EXD1: variants seen among roughly 807,000 people sequenced by gnomAD.
EXD1 encodes the protein piRNA biogenesis protein EXD1.
EXD1 carries 63 observed loss-of-function variants against 49.1 expected under a neutral mutation model. The observed-to-expected ratio is 1.28, with a 90% CI of 1.05 to 1.58. EXD1 has a LOEUF of 1.58. Ranked by LOEUF, EXD1 falls within the 40% of genes most tolerant of loss-of-function variation. The pLI is 0.00. For missense variants in EXD1, 748 were observed against 666.0 expected, an observed-to-expected ratio of 1.12 and a Z score of -1.36; for synonymous variants, 234 against 239.2, an observed-to-expected ratio of 0.98 and a Z score of 0.20.
intron 6 of EXD1, among the ~76,000 whole-genome samples, chr15:41,210,289 C>T (rs2046902349): frequency 6.6e-6 from 1 of 152,122 alleles, no homozygotes; most frequent in African/African-American, 2.4e-5. Flanking sequence ...TTTACCACAA[C>T]TGAAAGGAAT....
intron 6 of EXD1, among the ~76,000 whole-genome samples, chr15:41,215,386 TTATAA>T (rs1179291191): frequency 6.6e-6 from 1 of 152,088 alleles, no homozygotes; most frequent in Non-Finnish European, 1.5e-5. Flanking sequence ...ATCAAAAATC[TTATAA>T]TAAAGAAATT....
intron 10 of EXD1, 84 bp downstream of exon 10, chr15:41,191,358 A>G: frequency 7.6e-7 from 1 of 1,314,710 alleles, no homozygotes. Context: ...GGCAGCTGTC[A>G]TTTTTCTACA....
chr15:41,209,619 T>G, intron 6 of EXD1, 32 bp from the exon 7 acceptor site: 1 of 1,587,250 alleles, frequency 6.3e-7, no homozygotes, highest in Non-Finnish European at 8.6e-7. Context: ...GGAAAAACTT[T>G]CAGGGAATAA....
intron 1 of EXD1, among the ~76,000 whole-genome samples, chr15:41,229,461 G>A (rs1394521692): frequency 6.6e-5 from 10 of 151,548 alleles, no homozygotes; most frequent in Admixed American, 4.6e-4. Flanking sequence ...ACTCCAGCCC[G>A]GACTCTGTCG....
intron 9 of EXD1, among the ~76,000 whole-genome samples, chr15:41,193,091 A>T (rs2046554841): frequency 1.3e-5 from 2 of 151,690 alleles, no homozygotes; most frequent in South Asian, 4.2e-4. Flanking sequence ...GCCTCTTAAA[A>T]TTTTTTTGTA....
intron 2 of EXD1, among the ~76,000 whole-genome samples, chr15:41,225,581 TTC>T: frequency 8.4e-6 from 1 of 118,900 alleles, no homozygotes. Flanking sequence ...ACGAGACTCA[TTC>T]TCAGAAAAAA....
intron 7 of EXD1, among the ~76,000 whole-genome samples, chr15:41,197,932 G>A (rs1435213714): frequency 6.6e-6 from 1 of 151,784 alleles, no homozygotes. Flanking sequence ...GCCGAGGCAG[G>A]AGAATCGCTT....
At position 41,192,628 on chromosome 15, in the gene EXD1, TTTTTG is replaced by T. The variant is rs1295818651; in HGVS notation, c.721-1048_721-1044del. 1.9e-4 allele frequency among the ~76,000 whole-genome samples: 22 copies of T among 118,618 alleles called. No individual in the cohort carries two copies. In the East Asian group the frequency reaches 4.6e-3, roughly 25 times the overall value. The allele number at this position is 118,618 out of a possible 152,430, so 77.8% of individuals were successfully genotyped here. A position where few individuals can be genotyped will look rare whatever the true frequency, so the allele number is the denominator to read the frequency against. On this transcript the variant is annotated intron_variant, in intron 9 of 11. Transcript: ENST00000458580. ...TTTTTTTTTTTTTTTTTTTTTTTTT[TTTTTG>T]AGATAGGGTCTTGCTCTATCTCCCA...
At chr15:41,184,631 A>G in intron 11 of EXD1, 38 bp from the exon 12 acceptor site, 1 of 1,529,104 alleles carries the variant, frequency 6.5e-7, no homozygotes, top group South Asian at 1.3e-5. Context: ...ATTATAACTA[A>G]ACTTCTGAAT....
rs2047227013 is a variant in EXD1 at position 41,230,606 on chromosome 15, G to T, written c.-181C>A. ...ACTTCAGTCTAGAACTAAAAGAAGA[G>T]GGGCTGCAATGAAGGAAGAAGTCTC... On this transcript the variant is annotated 5_prime_UTR_variant, in exon 1 of 12. Coordinates refer to ENST00000458580, the MANE Select transcript of EXD1 (RefSeq NM_001286441.2). The T allele has an allele frequency of 6.4e-7, 1 of 1,563,558 alleles. No individual in the cohort carries two copies. The highest frequency in any genetic ancestry group is 1.1e-5 in the South Asian group (1 of 88,832).
intron 7 of EXD1, among the ~76,000 whole-genome samples, chr15:41,209,219 T>A (rs1285913010): frequency 6.6e-6 from 1 of 151,828 alleles, no homozygotes; most frequent in African/African-American, 2.4e-5. Context: ...AGGCCAGGAG[T>A]TTGAGATCAG....
chr15:41,204,947 G>A (rs945613551), intron 7 of EXD1, among the ~76,000 whole-genome samples: 11 of 152,092 alleles, frequency 7.2e-5, no homozygotes, highest in Non-Finnish European at 1.2e-4. Flanking sequence ...GAGCCAAGAC[G>A]AATCTAGACA....
intron 7 of EXD1, among the ~76,000 whole-genome samples, chr15:41,201,485 ATTTTTTTTT>A (rs10618622): frequency 1.3e-4 from 12 of 89,188 alleles, no homozygotes; most frequent in African/African-American, 5.1e-4. Context: ...AGAATTCTAG[ATTTTTTTTT>A]TTTTTTTTTT....
intron 1 of EXD1, among the ~76,000 whole-genome samples, chr15:41,227,566 A>G (rs2047181332): frequency 6.6e-6 from 1 of 151,778 alleles, no homozygotes; most frequent in Non-Finnish European, 1.5e-5. Flanking sequence ...CTATTCAGGA[A>G]GGCTGAGGCA....
At chr15:41,186,694 A>G (rs1468232667) in intron 11 of EXD1, among the ~76,000 whole-genome samples, 1 of 151,958 alleles carries the variant, frequency 6.6e-6, no homozygotes, top group Non-Finnish European at 1.5e-5. Flanking sequence ...ACATTTCCGT[A>G]TAACCTATAC....
chr15:41,214,370 T>C (rs2046968379), intron 6 of EXD1, among the ~76,000 whole-genome samples: 1 of 150,060 alleles, frequency 6.7e-6, no homozygotes, highest in Admixed American at 6.7e-5. Flanking sequence ...AAAAATTAGC[T>C]GGCGTGGTGG....
intron 7 of EXD1, among the ~76,000 whole-genome samples, chr15:41,197,229 CTTT>C (rs976999245): frequency 3.0e-5 from 4 of 133,130 alleles, no homozygotes; most frequent in Admixed American, 7.7e-5. Context: ...TTTCTTTTTT[CTTT>C]TTTTTTTTTT....
intron 7 of EXD1, among the ~76,000 whole-genome samples, chr15:41,197,385 G>A (rs912882782): frequency 2.6e-5 from 4 of 151,518 alleles, no homozygotes; most frequent in African/African-American, 9.7e-5. Context: ...CTGCCACCAT[G>A]CCCTGCTAAT....
chr15:41,197,531 T>C (rs2046635721), intron 7 of EXD1, among the ~76,000 whole-genome samples: 1 of 151,790 alleles, frequency 6.6e-6, no homozygotes, highest in African/African-American at 2.4e-5. Context: ...GCCCGGCCAA[T>C]GATAGGTACT....
Sources: gnomAD v4.1 joint callset for allele counts (sites outside exome capture counted in the v4.1 genomes callset) on GRCh38, gnomAD v4.1.1 for gene constraint, MANE v1.5 for transcripts, NCBI Gene and HGNC (gene_info 2026-07-23, HGNC 2026-07-21) for gene names.